Variants in HYDIN observed in about 807,000 individuals in gnomAD.
HYDIN encodes axonemal central pair apparatus protein HYDIN.
In HYDIN, 132 loss-of-function variants were observed where a neutral mutation model predicts 403.9. The observed-to-expected ratio is 0.33, with a 90% confidence interval of 0.28 to 0.38. The LOEUF (loss-of-function observed/expected upper bound fraction) is 0.38. Among genes scored for constraint, HYDIN ranks in the 10% least tolerant of loss-of-function variants. The probability of loss-of-function intolerance (pLI) is 1.00; values close to 1 mark genes in which losing one functional copy is unlikely to be tolerated. For missense variants in HYDIN, 2,827 were observed against 5,009.5 expected, an observed-to-expected ratio of 0.56 and a Z score of 13.15; for synonymous variants, 1,202 against 1,891.7, an observed-to-expected ratio of 0.64 and a Z score of 9.46.
At chr16:70,849,584 A>C (rs1285293834) in intron 75 of HYDIN, 142 bp downstream of exon 75, 2 of 601,776 alleles carry the variant, frequency 3.3e-6, no homozygotes, top group African/African-American at 3.7e-5. Context: ...TGTACTAGAC[A>C]TTGTGAGGCT....
At chr16:71,228,107 T>C (rs2041120518) in intron 1 of HYDIN, among the ~76,000 whole-genome samples, 1 of 152,114 alleles carries the variant, frequency 6.6e-6, no homozygotes, top group Non-Finnish European at 1.5e-5. Context: ...TGGCTAGCCA[T>C]ATGTAGAAAG....
Position 71,178,922 on chromosome 16 carries a change from A to T in HYDIN, c.381+6T>A. Reference sequence around the variant, plus strand: ...ACAGTTCACCCACCCCAGTGAACATACTCACTTTGTCATTGTTCCTCAAAA... The same window carrying T: ...ACAGTTCACCCACCCCAGTGAACATTCTCACTTTGTCATTGTTCCTCAAAA... On this transcript the variant is annotated splice_donor_region_variant and intron_variant, in intron 4 of 85. Transcript: ENST00000393567. The T allele has an allele frequency of 6.2e-7, 1 of 1,609,592 alleles. No individual in the cohort carries two copies. The highest frequency in any genetic ancestry group is 8.5e-7 in the Non-Finnish European group (1 of 1,177,850).
intron 11 of HYDIN, among the ~76,000 whole-genome samples, chr16:71,093,190 C>G (rs1375601830): frequency 2.0e-5 from 3 of 152,172 alleles, no homozygotes; most frequent in African/African-American, 4.8e-5. Flanking sequence ...GGGTTACAGT[C>G]TGATGTAATG....
At chr16:70,940,377 T>A (rs874763) in intron 43 of HYDIN, among the ~76,000 whole-genome samples, 1 of 151,610 alleles carries the variant, frequency 6.6e-6, no homozygotes, top group South Asian at 2.1e-4. Context: ...ATAAGAATAA[T>A]AACATACGGC....
chr16:71,171,977 G>T (rs1653871058), intron 5 of HYDIN, among the ~76,000 whole-genome samples: 1 of 152,166 alleles, frequency 6.6e-6, no homozygotes, highest in African/African-American at 2.4e-5. Context: ...CGAATTTCAG[G>T]CAGGAGGAAA....
intron 55 of HYDIN, 80 bp from the exon 56 acceptor site, chr16:70,892,609 G>A (rs976335710): frequency 6.6e-7 from 1 of 1,505,884 alleles, no homozygotes; most frequent in African/African-American, 1.4e-5. Context: ...CTAGATGGTT[G>A]AGTGCCTGCT....
chr16:71,054,265 C>T (rs1329038252), intron 18 of HYDIN, among the ~76,000 whole-genome samples: 1 of 152,300 alleles, frequency 6.6e-6, no homozygotes, highest in Non-Finnish European at 1.5e-5. Context: ...CTGTCTGATT[C>T]ATGCACATTT....
Position 70,809,750 on chromosome 16 carries a change from G to A in HYDIN, c.14883+33C>T, listed in dbSNP as rs760326019. The A allele has an allele frequency of 4.6e-6, 7 of 1,526,924 alleles. No homozygotes were observed. The African/African-American group carries it at 9.6e-5, about 21-fold the overall frequency. 94.6% of individuals were successfully genotyped at this position (1,526,924 alleles called of 1,614,324 possible). ...TTTTTGAACCCAGCGTTCATGTGAG[G>A]GAAGGGCAGAAGGTAGAGCAGGGGC... On this transcript the variant is annotated intron_variant, in intron 85 of 85. Transcript: ENST00000393567.
rs531040309 is a variant in HYDIN, at chr16:71,033,209, G to C, written c.2530-1292C>G. 3.9e-5 allele frequency among the ~76,000 whole-genome samples: 6 copies of C among 152,322 alleles called. No individual in the cohort carries two copies. In the East Asian group the frequency reaches 1.2e-3, roughly 29 times the overall value. ...ATGGAATTCATAAGGAGGCCAGAGT[G>C]AAACTACTTCAGGGGAATCTAAAGA... On this transcript the variant is annotated intron_variant, in intron 18 of 85. Transcript: ENST00000393567.
At chr16:71,202,977 G>A (rs2088098618) in intron 1 of HYDIN, among the ~76,000 whole-genome samples, 1 of 152,090 alleles carries the variant, frequency 6.6e-6, no homozygotes, top group South Asian at 2.1e-4. Flanking sequence ...AACAATGCCT[G>A]TCATAATCCT....
chr16:70,855,762 T>C (rs2038985744), intron 72 of HYDIN, among the ~76,000 whole-genome samples: 1 of 152,298 alleles, frequency 6.6e-6, no homozygotes, highest in African/African-American at 2.4e-5. Context: ...TCTTGGCTAT[T>C]AGACCATTCA....
rs79707627 is a variant in HYDIN, at chr16:71,207,415, C to G, written c.-23-20497G>C. 8.5e-3 allele frequency among the ~76,000 whole-genome samples: 1,299 copies of G among 152,280 alleles called. 18 individuals carry two copies. Among genetic ancestry groups the G allele is most frequent in the African/African-American group, 0.03 (1,235 of 41,570 alleles). Reference sequence around the variant, plus strand: ...TACTATCACAACTGCCTTACAAGAGCTCCTGAAAGAAGCAGTCAATATAGA... The same window carrying G: ...TACTATCACAACTGCCTTACAAGAGGTCCTGAAAGAAGCAGTCAATATAGA... On this transcript the variant is annotated intron_variant, in intron 1 of 85. Transcript: ENST00000393567.
chr16:70,946,111 T>C (rs1400475205), intron 41 of HYDIN, among the ~76,000 whole-genome samples: 1 of 143,844 alleles, frequency 7.0e-6, no homozygotes, highest in African/African-American at 2.6e-5. Flanking sequence ...AATTTAGCCA[T>C]TGGATAAGAG....
intron 23 of HYDIN, among the ~76,000 whole-genome samples, chr16:71,000,209 T>C (rs2144070398): frequency 6.6e-6 from 1 of 152,250 alleles, no homozygotes; most frequent in Non-Finnish European, 1.5e-5. Context: ...GGTTCAGATA[T>C]GTACTGATAG....
At chr16:71,064,984 T>C in intron 15 of HYDIN, 144 bp from the exon 16 acceptor site, 2 of 571,770 alleles carry the variant, frequency 3.5e-6, no homozygotes, top group Non-Finnish European at 6.1e-6. Flanking sequence ...AAAGCTTCTC[T>C]CCTCCTCTCT....
chr16:70,965,985 C>T (rs2078561591), intron 36 of HYDIN, among the ~76,000 whole-genome samples: 1 of 152,172 alleles, frequency 6.6e-6, no homozygotes, highest in Non-Finnish European at 1.5e-5. Context: ...TGTGATAAAG[C>T]ATAGAGATGG....
chr16:70,901,079 A>T lies in HYDIN; in HGVS notation c.8973T>A (p.Pro2991=). The change falls in exon 53 of 86, where the codon CCT becomes CCA. Residue 2991 remains proline, a synonymous_variant. Transcript: ENST00000393567. ...TVSLMQGTIP[P]EAEYGLHLYF... The stretch of plus-strand genomic sequence containing the variant: ...ACAGGTGCAGGCCGTACTCAGCCTC[A>T]GGGGGGATGGTCCCCTGCATCAGGG... 1 of 724,362 alleles carries T rather than the reference A, an allele frequency of 1.4e-6. No individual in the cohort carries two copies. Among genetic ancestry groups the T allele is most frequent in the Non-Finnish European group, 2.3e-6 (1 of 432,398 alleles). 44.9% of individuals were successfully genotyped at this position (724,362 alleles called of 1,614,324 possible).
chr16:70,938,840 T>G, intron 43 of HYDIN, 85 bp from the exon 44 acceptor site: 2 of 1,441,864 alleles, frequency 1.4e-6, no homozygotes, highest in South Asian at 2.5e-5. Context: ...AGGGTCTTAG[T>G]GTGGGGCAGC....
intron 18 of HYDIN, among the ~76,000 whole-genome samples, chr16:71,033,903 G>C (rs1480529512): frequency 6.6e-6 from 1 of 151,896 alleles, no homozygotes; most frequent in Non-Finnish European, 1.5e-5. Context: ...AATCTTTATA[G>C]AAAATATTTA....
Sources: gnomAD v4.1 joint callset for allele counts (sites outside exome capture counted in the v4.1 genomes callset) on GRCh38, gnomAD v4.1.1 for gene constraint, MANE v1.5 for transcripts, NCBI Gene and HGNC (gene_info 2026-07-23, HGNC 2026-07-21) for gene names.